The following SOX10 variants were observed in gnomAD, a reference collection of about 807,000 sequenced individuals.
The protein encoded by SOX10 is transcription factor SOX-10.
Under a neutral mutation model 35.0 loss-of-function variants are expected in SOX10, and 3 were observed. The observed-to-expected ratio is 0.09, with a 90% CI of 0.04 to 0.22. The LOEUF (loss-of-function observed/expected upper bound fraction) is 0.22. Among genes scored for constraint, SOX10 ranks in the 10% least tolerant of loss-of-function variants. The pLI is 1.00. For missense variants in SOX10, 436 were observed against 655.1 expected, an observed-to-expected ratio of 0.67 and a Z score of 3.65; for synonymous variants, 285 against 291.0, an observed-to-expected ratio of 0.98 and a Z score of 0.21.
chr22:37,976,232 CA>C (rs1932215571), intron 3 of SOX10, among the ~76,000 whole-genome samples: 1 of 151,742 alleles, frequency 6.6e-6, no homozygotes, highest in African/African-American at 2.4e-5. Context: ...CAAACAAAAA[CA>C]AAAACAAAAA....
Position 37,978,264 on chromosome 22 carries a change from C to T in SOX10, c.429-129G>A. The stretch of plus-strand genomic sequence containing the variant: ...GCCCTGGGATGGGGCACCCAGAGGA[C>T]AGGACCCGGGGTGGGGGCTGTGCCC... On this transcript the variant is annotated intron_variant, in intron 2 of 3. Transcript: ENST00000396884. The surrounding 1 kb of genome is among the most constrained non-coding windows in gnomAD (Gnocchi z 5.0). 9.9e-7 allele frequency: 1 copy of T among 1,011,484 alleles called. No individual in the cohort carries two copies. Among genetic ancestry groups the T allele is most frequent in the Non-Finnish European group, 1.4e-6 (1 of 715,324 alleles). 62.7% of individuals were successfully genotyped at this position (1,011,484 alleles called of 1,614,324 possible).
In SOX10 at chr22:37,978,313, TGAGGCCCAAGGAATAACAGCCTCAGAGG is replaced by T. The variant is rs1356070598; in HGVS notation, c.429-206_429-179del. Among the ~76,000 whole-genome samples, 1 of 152,184 alleles carries T rather than the reference TGAGGCCCAAGGAATAACAGCCTCAGAGG, an allele frequency of 6.6e-6. No individual in the cohort carries two copies. The highest frequency in any genetic ancestry group is 6.5e-5 in the Admixed American group (1 of 15,278). ...CCTATGATTTGTGGACTGAGAGATGTGAGGCCCAAGGAATAACAGCCTCAGAGGGCTGCCCCCAAATCTTTCATGGGCT... is the reference window on the plus strand; with the variant it reads ...CCTATGATTTGTGGACTGAGAGATGTGCTGCCCCCAAATCTTTCATGGGCT... On this transcript the variant is annotated intron_variant, in intron 2 of 3. Coordinates refer to ENST00000396884, the MANE Select transcript of SOX10 (RefSeq NM_006941.4). The surrounding 1 kb of genome is among the most constrained non-coding windows in gnomAD (Gnocchi z 5.0).
At chr22:37,981,985 G>C (rs1932411818) in intron 2 of SOX10, among the ~76,000 whole-genome samples, 1 of 152,200 alleles carries the variant, frequency 6.6e-6, no homozygotes, top group Non-Finnish European at 1.5e-5. Flanking sequence ...AGATCCTCCT[G>C]CACCTTCTAC....
In SOX10 at chr22:37,974,487, G is replaced by A. The variant is rs1932167049; in HGVS notation, c.698-289C>T. Among the ~76,000 whole-genome samples, 1 of 151,968 alleles carries A rather than the reference G, an allele frequency of 6.6e-6. No individual in the cohort carries two copies. Among genetic ancestry groups the A allele is most frequent in the African/African-American group, 2.4e-5 (1 of 41,352 alleles). The stretch of plus-strand genomic sequence containing the variant: ...CCTGCCTCAGCCTCCTGAGTAGCTG[G>A]AATTACAAGCGCCCACCACAATGCC... On this transcript the variant is annotated intron_variant, in intron 3 of 3. Coordinates refer to ENST00000396884, the MANE Select transcript of SOX10 (RefSeq NM_006941.4). This position sits in a 1 kb window ranked among gnomAD's most constrained non-coding sequence, Gnocchi z 5.4.
chr22:37,979,373 T>C (rs978920595), intron 2 of SOX10, among the ~76,000 whole-genome samples: 7 of 152,096 alleles, frequency 4.6e-5, no homozygotes, highest in African/African-American at 9.6e-5. Flanking sequence ...GCTGAGATTA[T>C]AGGCATGAGC....
rs1157242811 is a variant in SOX10, at chr22:37,974,524, TG to T, written c.698-327del. Among the ~76,000 whole-genome samples, 1 of 152,060 alleles carries T rather than the reference TG, an allele frequency of 6.6e-6. No individual in the cohort carries two copies. The highest frequency in any genetic ancestry group is 1.5e-5 in the Non-Finnish European group (1 of 68,004). On this transcript the variant is annotated intron_variant, in intron 3 of 3. Transcript: ENST00000396884. This position sits in a 1 kb window ranked among gnomAD's most constrained non-coding sequence, Gnocchi z 5.4. ...CCCACCACAATGCCCAGCTAATTTG[TG>T]TATTTTTAGTAGAGACGGGGTTTCA...
rs929834035 is a variant in SOX10 at position 37,974,357 on chromosome 22, G to GTT, written c.698-161_698-160dup. Reference sequence around the variant, plus strand: ...GGCAGCATGAGTCGGGTTTTTTTTTGTTTTTTTTTTTTGAGATGGAGTTTC... The same window carrying GTT: ...GGCAGCATGAGTCGGGTTTTTTTTTGTTTTTTTTTTTTTTGAGATGGAGTTTC... On this transcript the variant is annotated intron_variant, in intron 3 of 3. Coordinates refer to ENST00000396884, the MANE Select transcript of SOX10 (RefSeq NM_006941.4). The surrounding 1 kb of genome is among the most constrained non-coding windows in gnomAD (Gnocchi z 5.4). 7.8e-5 allele frequency among the ~76,000 whole-genome samples: 11 copies of GTT among 141,834 alleles called. No homozygotes were observed. The highest frequency in any genetic ancestry group is 2.1e-4 in the East Asian group (1 of 4,858). The allele number at this position is 141,834 out of a possible 152,430, so 93.0% of individuals were successfully genotyped here.
Position 37,983,619 on chromosome 22 carries a change from T to C in SOX10, c.166A>G (p.Lys56Glu). The C allele has an allele frequency of 6.2e-7, 1 of 1,606,168 alleles. No homozygotes were observed. The highest frequency in any genetic ancestry group is 8.5e-7 in the Non-Finnish European group (1 of 1,178,758). The change falls in exon 2 of 4, where the codon AAG (lysine) becomes GAG (glutamate). Residue 56 changes from lysine to glutamate, a missense_variant. Physicochemically the swap from Lys to Glu is moderately conservative, Grantham distance 56. Coordinates refer to ENST00000396884, the MANE Select transcript of SOX10 (RefSeq NM_006941.4). The surrounding 1 kb of genome is among the most constrained non-coding windows in gnomAD (Gnocchi z 9.5). ...PGPGELGKVK[K>E]EQQDGEADDD... The stretch of plus-strand genomic sequence containing the variant: ...TCCGCCTCGCCGTCCTGCTGCTCCT[T>C]CTTGACCTTGCCCAGCTCGCCTGGC...
intron 3 of SOX10, among the ~76,000 whole-genome samples, chr22:37,975,633 G>C (rs1183240000): frequency 6.6e-6 from 1 of 152,208 alleles, no homozygotes. Flanking sequence ...CATCAGACCA[G>C]AGGCAGCGCC....
Position 37,978,218 on chromosome 22 carries a change from G to A in SOX10, c.429-83C>T. 2 of 1,392,720 alleles carry A rather than the reference G, an allele frequency of 1.4e-6. No individual in the cohort carries two copies. The allele number at this position is 1,392,720 out of a possible 1,614,324, so 86.3% of individuals were successfully genotyped here. Reference sequence around the variant, plus strand: ...ACTCCAGGTTGGCCTCCCTCTGAGTGTCCATCTTGGAAGATGTGAGGCCCT... The same window carrying A: ...ACTCCAGGTTGGCCTCCCTCTGAGTATCCATCTTGGAAGATGTGAGGCCCT... On this transcript the variant is annotated intron_variant, in intron 2 of 3. Transcript: ENST00000396884. This position sits in a 1 kb window ranked among gnomAD's most constrained non-coding sequence, Gnocchi z 5.0.
Position 37,983,333 on chromosome 22 carries a change from C to T in SOX10, c.428+24G>A. The T allele has an allele frequency of 6.3e-7, 1 of 1,594,156 alleles. No homozygotes were observed. Reference sequence around the variant, plus strand: ...TCCACCCGAAGCTAGAGGGCCCGAGCCCGGGGGGCGGTCGGGTGCTCACCT... The same window carrying T: ...TCCACCCGAAGCTAGAGGGCCCGAGTCCGGGGGGCGGTCGGGTGCTCACCT... On this transcript the variant is annotated intron_variant, in intron 2 of 3. Coordinates refer to ENST00000396884, the MANE Select transcript of SOX10 (RefSeq NM_006941.4). The surrounding 1 kb of genome is among the most constrained non-coding windows in gnomAD (Gnocchi z 9.5).
chr22:37,973,568 C>T lies in SOX10; in HGVS notation c.1328G>A (p.Ser443Asn), dbSNP rs1932124639. The T allele has an allele frequency of 6.2e-7, 1 of 1,612,820 alleles. No individual in the cohort carries two copies. Among genetic ancestry groups the T allele is most frequent in the Non-Finnish European group, 8.5e-7 (1 of 1,179,700 alleles). Residue 443 changes from serine (S) to asparagine (N), a missense_variant, in exon 4 of 4, where the codon AGC (serine) becomes AAC (asparagine). This residue lies in a region of SOX10 where 285 missense variants were observed against 402.9 expected (regional missense o/e 0.71). Coordinates refer to ENST00000396884, the MANE Select transcript of SOX10 (RefSeq NM_006941.4). ...GCTGTGGGACTGGGGCCCTGAGGGGCTGGGGTCAGAGATGGCCGTGTAGAG... is the reference window on the plus strand; with the variant it reads ...GCTGTGGGACTGGGGCCCTGAGGGGTTGGGGTCAGAGATGGCCGTGTAGAG... ...RPLYTAISDP[S>N]PSGPQSHSPT... is the part of the protein sequence containing the mutation.
At position 37,984,112 on chromosome 22, in the gene SOX10, G is replaced by C. The variant is rs985108230; in HGVS notation, c.-85+227C>G. The C allele has an allele frequency of 2.4e-5, 5 of 206,936 alleles. No homozygotes were observed. Among genetic ancestry groups the C allele is most frequent in the African/African-American group, 1.2e-4 (5 of 42,754 alleles). 12.8% of individuals were successfully genotyped at this position (206,936 alleles called of 1,614,324 possible). A position where few individuals can be genotyped will look rare whatever the true frequency, so the allele number is the denominator to read the frequency against. On this transcript the variant is annotated intron_variant, in intron 1 of 3. Coordinates refer to ENST00000396884, the MANE Select transcript of SOX10 (RefSeq NM_006941.4). The surrounding 1 kb of genome is among the most constrained non-coding windows in gnomAD (Gnocchi z 4.4). ...TTTTTTTAGCCTCCTTTTTTGGGTG[G>C]AGGTTTGTTGATGATAAGGAAGAAA...
chr22:37,981,637 C>A (rs1932399165), intron 2 of SOX10, among the ~76,000 whole-genome samples: 1 of 152,202 alleles, frequency 6.6e-6, no homozygotes, highest in Non-Finnish European at 1.5e-5. Flanking sequence ...GTACTGTGGT[C>A]TTCTCATGGT....
In SOX10 at chr22:37,977,938, C is replaced by T. The variant is rs1932271968; in HGVS notation, c.626G>A (p.Ser209Asn). ...GTAAIQAHYK[S>N]AHLDHRHPGE... ...TGGGTGCCGGTGGTCCAAGTGGGCGCTCTTGTAGTGGGCCTGGATGGCGGC... is the reference window on the plus strand; with the variant it reads ...TGGGTGCCGGTGGTCCAAGTGGGCGTTCTTGTAGTGGGCCTGGATGGCGGC... The change falls in exon 3 of 4, where the codon AGC becomes AAC. Residue 209 changes from serine to asparagine, a missense_variant. Coordinates refer to ENST00000396884, the MANE Select transcript of SOX10 (RefSeq NM_006941.4). 6.2e-7 allele frequency: 1 copy of T among 1,612,820 alleles called. No homozygotes were observed. Among genetic ancestry groups the T allele is most frequent in the South Asian group, 1.1e-5 (1 of 91,068 alleles).
chr22:37,974,091 G>T lies in SOX10; in HGVS notation c.805C>A (p.Pro269Thr). 2 of 1,613,860 alleles carry T rather than the reference G, an allele frequency of 1.2e-6. No individual in the cohort carries two copies. The highest frequency in any genetic ancestry group is 1.7e-6 in the Non-Finnish European group (2 of 1,180,016). Residue 269 changes from proline (P) to threonine (T), a missense_variant, in exon 4 of 4, where the codon CCT becomes ACT. This residue lies in a region of SOX10 where 285 missense variants were observed against 402.9 expected (regional missense o/e 0.71). Transcript: ENST00000396884. The surrounding 1 kb of genome is among the most constrained non-coding windows in gnomAD (Gnocchi z 5.4). ...TCCACGTTGCCGAAGTCGATGTGAGGCTTCCCGCCCTCCCCCATGGAGCGC... is the reference window on the plus strand; with the variant it reads ...TCCACGTTGCCGAAGTCGATGTGAGTCTTCCCGCCCTCCCCCATGGAGCGC... ...DGRSMGEGGK[P>T]HIDFGNVDIG...
In SOX10 at chr22:37,983,883, G is replaced by A. The variant is rs1932489476; in HGVS notation, c.-84-15C>T. Reference sequence around the variant, plus strand: ...CCAACGCCCACCTGGATGGAAGGAGGGCGCGATGGAGCGGCCGCGCGCGCA... The same window carrying A: ...CCAACGCCCACCTGGATGGAAGGAGAGCGCGATGGAGCGGCCGCGCGCGCA... On this transcript the variant is annotated splice_polypyrimidine_tract_variant and intron_variant, in intron 1 of 3. Coordinates refer to ENST00000396884, the MANE Select transcript of SOX10 (RefSeq NM_006941.4). This position sits in a 1 kb window ranked among gnomAD's most constrained non-coding sequence, Gnocchi z 9.5. 8.9e-7 allele frequency: 1 copy of A among 1,122,646 alleles called. No individual in the cohort carries two copies. The highest frequency in any genetic ancestry group is 4.3e-5 in the East Asian group (1 of 23,486). 69.5% of individuals were successfully genotyped at this position (1,122,646 alleles called of 1,614,324 possible).
Position 37,974,242 on chromosome 22 carries a change from A to C in SOX10, c.698-44T>G. 3 of 1,489,592 alleles carry C rather than the reference A, an allele frequency of 2.0e-6. No homozygotes were observed. The South Asian group carries it at 3.5e-5, about 18-fold the overall frequency. 92.3% of individuals were successfully genotyped at this position (1,489,592 alleles called of 1,614,324 possible). ...GAGAGAGAGAGCGCAAGGGGGAAGC[A>C]GGTTAGAGGCAGGTGGGCGCACGTG... On this transcript the variant is annotated intron_variant, in intron 3 of 3. Coordinates refer to ENST00000396884, the MANE Select transcript of SOX10 (RefSeq NM_006941.4). The surrounding 1 kb of genome is among the most constrained non-coding windows in gnomAD (Gnocchi z 5.4).
chr22:37,979,056 C>A (rs1387025521), intron 2 of SOX10, among the ~76,000 whole-genome samples: 3 of 151,918 alleles, frequency 2.0e-5, no homozygotes, highest in African/African-American at 7.3e-5. Flanking sequence ...GGATTACAGG[C>A]ATGAGCCATT....
Sources: allele counts gnomAD v4.1 joint callset (sites outside exome capture counted in the v4.1 genomes callset), GRCh38; gene constraint gnomAD v4.1.1; regional missense constraint gnomAD v4.1.1; non-coding constraint Gnocchi (gnomAD v3.1); transcripts MANE v1.5; gene names NCBI Gene and HGNC (gene_info 2026-07-23, HGNC 2026-07-21).